The following AMOTL1 variants were observed in gnomAD, a reference collection of about 807,000 sequenced individuals.
AMOTL1 encodes angiomotin-like protein 1.
Under a neutral mutation model 102.9 loss-of-function variants are expected in AMOTL1, and 45 were observed. That is an observed-to-expected ratio of 0.44 (90% CI 0.34 to 0.56). AMOTL1 has a LOEUF of 0.56. Ranked by LOEUF, AMOTL1 falls within the 20% of genes least tolerant of loss-of-function variation. The pLI, the probability that AMOTL1 is intolerant of heterozygous loss-of-function variation, is 0.01. For missense variants in AMOTL1, 1,114 were observed against 1,225.6 expected (o/e 0.91, Z 1.36); for synonymous variants, 481 against 484.7 (o/e 0.99, Z 0.10).
In AMOTL1 at chr11:94,795,175, C is replaced by A. The variant is rs182781769; in HGVS notation, c.199+15C>A. The A allele has an allele frequency of 6.2e-7, 1 of 1,612,160 alleles. No homozygotes were observed. The highest frequency in any genetic ancestry group is 1.3e-5 in the African/African-American group (1 of 74,820). ...GGAAAAAGTTGGTAAGTCCTTTTACCGGCACTTGTGTTGGAAAAGCAAAAT... is the reference window on the plus strand; with the variant it reads ...GGAAAAAGTTGGTAAGTCCTTTTACAGGCACTTGTGTTGGAAAAGCAAAAT... On this transcript the variant is annotated intron_variant, in intron 2 of 12. Transcript: ENST00000433060.
chr11:94,812,259 A>G (rs1254666402), intron 3 of AMOTL1, among the ~76,000 whole-genome samples: 1 of 152,158 alleles, frequency 6.6e-6, no homozygotes, highest in African/African-American at 2.4e-5. Context: ...TATTTTGTCA[A>G]GCTTAAGAAT....
chr11:94,734,992 C>CAT (rs1950416693), intron 2 of AMOTL1, among the ~76,000 whole-genome samples: 1 of 152,180 alleles, frequency 6.6e-6, no homozygotes, highest in Non-Finnish European at 1.5e-5. Context: ...AAAGTTTCTC[C>CAT]CCATGTGGCA....
intron 1 of AMOTL1, among the ~76,000 whole-genome samples, chr11:94,794,781 C>T (rs1280612445): frequency 6.6e-6 from 1 of 152,206 alleles, no homozygotes; most frequent in Non-Finnish European, 1.5e-5. Flanking sequence ...TGCGCCTTCA[C>T]TCAGTGTGTC....
chr11:94,771,132 T>C (rs1193422012), intron 1 of AMOTL1, among the ~76,000 whole-genome samples: 1 of 151,950 alleles, frequency 6.6e-6, no homozygotes, highest in East Asian at 1.9e-4. Context: ...CTAGTGAAAA[T>C]TGTAAAAGTT....
At chr11:94,830,926 A>G (rs75318936) in intron 5 of AMOTL1, among the ~76,000 whole-genome samples, 3,243 of 152,334 alleles carry the variant, frequency 0.021, 59 homozygotes, top group Middle Eastern at 0.054. Flanking sequence ...GTTGAGTTGG[A>G]TTATTTATTG....
At chr11:94,801,771 T>C (rs1227544881) in intron 3 of AMOTL1, among the ~76,000 whole-genome samples, 1 of 152,050 alleles carries the variant, frequency 6.6e-6, no homozygotes. Flanking sequence ...AGGAGAGAAA[T>C]TGGGTCTGAA....
chr11:94,778,915 C>G (rs1448654782), intron 1 of AMOTL1, among the ~76,000 whole-genome samples: 1 of 152,152 alleles, frequency 6.6e-6, no homozygotes, highest in African/African-American at 2.4e-5. Flanking sequence ...TATATGGTGG[C>G]TTAGGGTTCC....
chr11:94,759,318 A>G (rs1253800296), intron 3 of AMOTL1, among the ~76,000 whole-genome samples: 2 of 152,176 alleles, frequency 1.3e-5, no homozygotes, highest in South Asian at 2.1e-4. Flanking sequence ...AAATATACAC[A>G]TAGGTGCTGC....
rs560109468 is a variant in AMOTL1 at position 94,749,965 on chromosome 11, C to T, written c.136+8977C>T. Among the ~76,000 whole-genome samples the T allele has an allele frequency of 5.9e-5, 9 of 152,318 alleles. No homozygotes were observed. In the South Asian group the frequency reaches 1.5e-3, roughly 25 times the overall value. On this transcript the variant is annotated intron_variant, in intron 3 of 4. Coordinates refer to the AMOTL1 transcript ENST00000299004. ...CTGTTCTAAGACAAATGTAAAGTTTCCTCCCTCTCATTTTTATGGGGATGA... is the reference window on the plus strand; with the variant it reads ...CTGTTCTAAGACAAATGTAAAGTTTTCTCCCTCTCATTTTTATGGGGATGA...
intron 6 of AMOTL1, among the ~76,000 whole-genome samples, chr11:94,836,680 A>G (rs1362492293): frequency 6.6e-6 from 1 of 152,152 alleles, no homozygotes; most frequent in Non-Finnish European, 1.5e-5. Context: ...ATATTAGGGT[A>G]AAATTATTAA....
chr11:94,866,132 G>A lies in AMOTL1; in HGVS notation c.2452G>A (p.Glu818Lys), dbSNP rs375130026. 1 of 1,613,982 alleles carries A rather than the reference G, an allele frequency of 6.2e-7. No homozygotes were observed. The highest frequency in any genetic ancestry group is 8.5e-7 in the Non-Finnish European group (1 of 1,179,898). Residue 818 changes from glutamate (E) to lysine (K), a missense_variant, in exon 11 of 13, where the codon GAA becomes AAA. By Grantham distance (56) the Glu-to-Lys change is moderately conservative. Coordinates refer to ENST00000433060, the MANE Select transcript of AMOTL1 (RefSeq NM_130847.3). ...TCTTACCAGCAGCCAGCTGGCTGAG[G>A]AAAAGAAGGAAGAGAAGACCTGGAA... is the stretch of plus-strand genomic sequence containing the variant. The part of the protein sequence containing the change: ...TSLTSSQLAE[E>K]KKEEKTWKGS...
At chr11:94,772,603 G>A (rs917380784) in intron 1 of AMOTL1, among the ~76,000 whole-genome samples, 1 of 152,170 alleles carries the variant, frequency 6.6e-6, no homozygotes, top group Admixed American at 6.5e-5. Flanking sequence ...ATGTACTATG[G>A]TTTGTTTAAC....
In AMOTL1 at chr11:94,749,062, G is replaced by A. The variant is rs574720452; in HGVS notation, c.136+8074G>A. 2.6e-4 allele frequency among the ~76,000 whole-genome samples: 40 copies of A among 152,318 alleles called. 1 individual carries two copies. In the South Asian group the frequency reaches 8.3e-3, roughly 32 times the overall value. On this transcript the variant is annotated intron_variant, in intron 3 of 4. Transcript: ENST00000299004. The stretch of plus-strand genomic sequence containing the variant: ...TTGGATGAGAGGGAATTTATTAGGG[G>A]AATCTGCTCTTGTGATTATGGAGGG...
chr11:94,844,792 T>G (rs1952374300), intron 6 of AMOTL1, among the ~76,000 whole-genome samples: 1 of 152,180 alleles, frequency 6.6e-6, no homozygotes, highest in African/African-American at 2.4e-5. Context: ...TTCTAACACA[T>G]GAAATTTGGG....
chr11:94,821,937 G>A, intron 4 of AMOTL1, 116 bp downstream of exon 4: 1 of 1,338,824 alleles, frequency 7.5e-7, no homozygotes, highest in Non-Finnish European at 1.0e-6. Context: ...ACTAGGCCCT[G>A]TGCAAGGCTT....
At chr11:94,803,298 T>C (rs1951511003) in intron 3 of AMOTL1, among the ~76,000 whole-genome samples, 1 of 152,146 alleles carries the variant, frequency 6.6e-6, no homozygotes, top group Non-Finnish European at 1.5e-5. Flanking sequence ...AAGATGGAGA[T>C]GTCTGGTAGG....
upstream of AMOTL1, among the ~76,000 whole-genome samples, chr11:94,765,714 C>A (rs1446649130): frequency 6.6e-6 from 1 of 152,204 alleles, no homozygotes; most frequent in Non-Finnish European, 1.5e-5. Context: ...GAAGGACCCA[C>A]TTCTTAAAAC....
At chr11:94,791,195 A>C (rs1223334417) in intron 1 of AMOTL1, among the ~76,000 whole-genome samples, 1 of 152,242 alleles carries the variant, frequency 6.6e-6, no homozygotes, top group Non-Finnish European at 1.5e-5. Context: ...TTTTGTTAAG[A>C]AAAAGGAGCC....
chr11:94,796,898 A>ACATATATGTATATATCTTGTATATAAG, intron 2 of AMOTL1: 3 of 611,456 alleles, frequency 4.9e-6, no homozygotes, highest in African/African-American at 2.0e-5. Flanking sequence ...GTATTAATAT[A>ACATATATGTATATATCTTGTATATAAG]CATATATGTA....
Sources: allele counts gnomAD v4.1 joint callset (sites outside exome capture counted in the v4.1 genomes callset), GRCh38; gene constraint gnomAD v4.1.1; transcripts MANE v1.5; gene names NCBI Gene and HGNC (gene_info 2026-07-23, HGNC 2026-07-21).